The following ESRRB variants were observed in gnomAD, a reference collection of about 807,000 sequenced individuals.
The protein encoded by ESRRB is estrogen related receptor beta, also known as steroid hormone receptor ERR2.
A neutral mutation model predicts 46.0 loss-of-function variants in ESRRB; 16 were observed. The ratio of observed to expected loss-of-function variants is 0.35; its 90% CI spans 0.24 to 0.53. The LOEUF (loss-of-function observed/expected upper bound fraction) is 0.53. ESRRB is among the 20% of genes least tolerant of loss of function. The pLI, the probability that ESRRB is intolerant of heterozygous loss-of-function variation, is 0.93. For missense variants in ESRRB, 488 were observed against 607.4 expected, an observed-to-expected ratio of 0.80 and a Z score of 2.07; for synonymous variants, 246 against 259.6, an observed-to-expected ratio of 0.95 and a Z score of 0.50.
intron 1 of ESRRB, among the ~76,000 whole-genome samples, chr14:76,351,156 G>A (rs1884309208): frequency 6.6e-6 from 1 of 152,184 alleles, no homozygotes; most frequent in East Asian, 1.9e-4. Context: ...CTGGATGAGG[G>A]AGCACACCAT....
chr14:76,329,508 A>G (rs753334), intron 1 of ESRRB, among the ~76,000 whole-genome samples: 37,002 of 152,164 alleles, frequency 0.24, 4,707 homozygotes, highest in South Asian at 0.4. Context: ...ATAGCCGCCC[A>G]TAAACAAATT....
chr14:76,408,835 A>G (rs949407088), intron 1 of ESRRB, among the ~76,000 whole-genome samples: 1 of 152,180 alleles, frequency 6.6e-6, no homozygotes, highest in African/African-American at 2.4e-5. Flanking sequence ...TAATGTGGCC[A>G]TGTGGAGAAG....
chr14:76,444,555 T>C (rs1305356681), intron 2 of ESRRB, among the ~76,000 whole-genome samples: 1 of 151,812 alleles, frequency 6.6e-6, no homozygotes, highest in Admixed American at 6.6e-5. Context: ...GGTTTTTTTT[T>C]GTTTTGTTTT....
At chr14:76,417,673 G>T (rs1383545515) in intron 1 of ESRRB, among the ~76,000 whole-genome samples, 1 of 152,214 alleles carries the variant, frequency 6.6e-6, no homozygotes, top group Non-Finnish European at 1.5e-5. Context: ...GGAAGTGTTT[G>T]CTCATCTTTT....
At chr14:76,384,886 A>G (rs1306929613) in intron 1 of ESRRB, among the ~76,000 whole-genome samples, 1 of 152,120 alleles carries the variant, frequency 6.6e-6, no homozygotes, top group Non-Finnish European at 1.5e-5. Context: ...CCTGCTCCTG[A>G]GTACCTCAAC....
At position 76,422,206 on chromosome 14, in the gene ESRRB, CTTTTTTTT is replaced by C. The variant is rs552738537; in HGVS notation, c.51-17119_51-17112del. On this transcript the variant is annotated intron_variant, in intron 1 of 6. Coordinates refer to ENST00000644823, the MANE Select transcript of ESRRB (RefSeq NM_001379180.1). ...CGCACAGCCCTTGCCACATTTCCTT[CTTTTTTTT>C]TTTTTTTTTTTTTTTGAGATGGAGT... Among the ~76,000 whole-genome samples, 42 of 94,774 alleles carry C rather than the reference CTTTTTTTT, an allele frequency of 4.4e-4. 1 individual carries two copies. The East Asian group carries it at 0.012, about 28-fold the overall frequency. The allele number at this position is 94,774 out of a possible 152,430, so 62.2% of individuals were successfully genotyped here. A position where few individuals can be genotyped will look rare whatever the true frequency, so the allele number is the denominator to read the frequency against.
intron 6 of ESRRB, among the ~76,000 whole-genome samples, chr14:76,494,977 A>G (rs1251961232): frequency 6.6e-6 from 1 of 152,086 alleles, no homozygotes; most frequent in East Asian, 1.9e-4. Context: ...ACCACACCAC[A>G]CCAGCTTTCA....
At chr14:76,485,626 T>TGAGAGAGAGAGAGAGAGAGA (rs151021182) in intron 5 of ESRRB, among the ~76,000 whole-genome samples, 518 of 143,800 alleles carry the variant, frequency 3.6e-3, no homozygotes, top group East Asian at 0.019. Context: ...TCCCTATCCC[T>TGAGAGAGAGAGAGAGAGAGA]GAGAGAGAGA....
chr14:76,408,695 G>T (rs1566881576), intron 1 of ESRRB, among the ~76,000 whole-genome samples: 1 of 151,856 alleles, frequency 6.6e-6, no homozygotes, highest in Non-Finnish European at 1.5e-5. Flanking sequence ...GTAAATCTTG[G>T]TTGAATGAGC....
chr14:76,347,446 ACC>A (rs10588656), intron 1 of ESRRB, among the ~76,000 whole-genome samples: 51,802 of 65,768 alleles, frequency 0.79, 22,515 homozygotes, highest in East Asian at 1. Flanking sequence ...ACACACACAC[ACC>A]GAGAAAACTA....
At chr14:76,469,929 GTTTTTTTTT>G (rs769935944) in intron 3 of ESRRB, among the ~76,000 whole-genome samples, 1 of 78,754 alleles carries the variant, frequency 1.3e-5, no homozygotes, top group Non-Finnish European at 2.8e-5. Context: ...GTTTTTTGTT[GTTTTTTTTT>G]TTTTTCTTTT....
chr14:76,427,008 C>T (rs1458846296), intron 1 of ESRRB, among the ~76,000 whole-genome samples: 1 of 152,214 alleles, frequency 6.6e-6, no homozygotes, highest in Non-Finnish European at 1.5e-5. Context: ...TGCTCGTTCA[C>T]CTGAACAGAG....
At chr14:76,385,622 ACTG>A (rs1434757203) in intron 1 of ESRRB, among the ~76,000 whole-genome samples, 1 of 152,202 alleles carries the variant, frequency 6.6e-6, no homozygotes, top group Non-Finnish European at 1.5e-5. Context: ...AGGCCAGCTT[ACTG>A]CTGACTGTTA....
chr14:76,364,378 G>A (rs1884497331), intron 1 of ESRRB, among the ~76,000 whole-genome samples: 1 of 152,016 alleles, frequency 6.6e-6, no homozygotes, highest in African/African-American at 2.4e-5. Flanking sequence ...ATCTGTTTGG[G>A]GATGCATTCT....
chr14:76,419,298 A>G (rs1268943089), intron 1 of ESRRB, among the ~76,000 whole-genome samples: 2 of 152,176 alleles, frequency 1.3e-5, no homozygotes, highest in Admixed American at 1.3e-4. Flanking sequence ...TACAGGAGTG[A>G]GCCACCGCAC....
At chr14:76,385,727 A>T (rs1366176232) in intron 1 of ESRRB, among the ~76,000 whole-genome samples, 4 of 152,254 alleles carry the variant, frequency 2.6e-5, no homozygotes, top group Non-Finnish European at 4.4e-5. Context: ...TAAGTGGCAT[A>T]TAACCAAATA....
At chr14:76,365,911 C>T (rs1231657315) in intron 1 of ESRRB, among the ~76,000 whole-genome samples, 1 of 152,182 alleles carries the variant, frequency 6.6e-6, no homozygotes, top group Non-Finnish European at 1.5e-5. Flanking sequence ...GAAAATGCCT[C>T]TCTTATTGCT....
At chr14:76,497,018 C>G (rs533308539) in intron 6 of ESRRB, among the ~76,000 whole-genome samples, 1 of 152,088 alleles carries the variant, frequency 6.6e-6, no homozygotes, top group African/African-American at 2.4e-5. Flanking sequence ...CATTTTTGGT[C>G]GAAGGCAGCT....
chr14:76,405,472 T>G (rs1405500423), intron 1 of ESRRB, among the ~76,000 whole-genome samples: 1 of 152,176 alleles, frequency 6.6e-6, no homozygotes, highest in Non-Finnish European at 1.5e-5. Flanking sequence ...AATGGGAGTG[T>G]TTCCTTGTAA....
Sources: allele counts gnomAD v4.1 joint callset (sites outside exome capture counted in the v4.1 genomes callset), GRCh38; gene constraint gnomAD v4.1.1; transcripts MANE v1.5; gene names NCBI Gene and HGNC (gene_info 2026-07-23, HGNC 2026-07-21).